CDH18: variants seen among roughly 807,000 people sequenced by gnomAD.
CDH18 encodes cadherin-18.
In CDH18, 31 loss-of-function variants were observed where a neutral mutation model predicts 67.9. The ratio of observed to expected loss-of-function variants is 0.46; its 90% CI spans 0.34 to 0.62. CDH18 has a LOEUF of 0.62. Among genes scored for constraint, CDH18 ranks in the 20% least tolerant of loss-of-function variants. The pLI, the probability that CDH18 is intolerant of heterozygous loss-of-function variation, is 0.01. For synonymous variants in CDH18, 362 were observed against 347.2 expected (o/e 1.04, Z -0.48); for missense variants, 890 against 975.5 (o/e 0.91, Z 1.17).
At chr5:20,029,677 A>G (rs1739217130) in intron 2 of CDH18, among the ~76,000 whole-genome samples, 1 of 152,208 alleles carries the variant, frequency 6.6e-6, no homozygotes, top group Admixed American at 6.5e-5. Context: ...GTGAATTTTA[A>G]AGTCTTATTA....
chr5:19,684,585 T>A (rs1025360897), intron 5 of CDH18, among the ~76,000 whole-genome samples: 5 of 151,694 alleles, frequency 3.3e-5, no homozygotes, highest in Admixed American at 6.6e-5. Flanking sequence ...AGAGATTTTT[T>A]AATTTAATTT....
intron 8 of CDH18, 103 bp from the exon 9 acceptor site, chr5:19,544,108 C>T (rs1017429550): frequency 2.4e-5 from 11 of 449,420 alleles, no homozygotes; most frequent in Middle Eastern, 6.1e-4. Flanking sequence ...TTCAAATATA[C>T]TTTTAAATTC....
intron 1 of CDH18, among the ~76,000 whole-genome samples, chr5:20,338,396 TG>T (rs1023194149): frequency 2.0e-5 from 3 of 152,218 alleles, no homozygotes; most frequent in Non-Finnish European, 4.4e-5. Flanking sequence ...CGTGATGGGA[TG>T]GGATTTCTTT....
At chr5:19,957,045 A>T (rs954849152) in intron 2 of CDH18, among the ~76,000 whole-genome samples, 37 of 151,932 alleles carry the variant, frequency 2.4e-4, no homozygotes, top group African/African-American at 7.0e-4. Flanking sequence ...GGTGTTTGGA[A>T]TATTCTGGGA....
intron 10 of CDH18, among the ~76,000 whole-genome samples, chr5:19,506,649 T>A (rs1188323510): frequency 6.6e-6 from 1 of 152,220 alleles, no homozygotes; most frequent in East Asian, 1.9e-4. Context: ...AAACAAGAAA[T>A]GGGGAAAGGA....
chr5:20,004,019 T>A (rs1427161602), intron 2 of CDH18, among the ~76,000 whole-genome samples: 4 of 152,248 alleles, frequency 2.6e-5, no homozygotes, highest in Non-Finnish European at 5.9e-5. Context: ...GTTTTTTGTA[T>A]CATACTTTAG....
chr5:20,305,577 G>A (rs1561956240), intron 1 of CDH18: 1 of 607,444 alleles, frequency 1.6e-6, no homozygotes, highest in Non-Finnish European at 2.9e-6. Context: ...GGCCGCTTCC[G>A]GTCCTGCGCT....
At position 19,969,171 on chromosome 5, in the gene CDH18, G is replaced by A. The variant is rs1002167780; in HGVS notation, c.-257+11889C>T. Among the ~76,000 whole-genome samples the A allele has an allele frequency of 6.0e-3, 887 of 148,560 alleles. 26 individuals carry two copies. Among genetic ancestry groups the A allele is most frequent in the African/African-American group, 0.022 (836 of 38,146 alleles). Reference sequence around the variant, plus strand: ...ACCATCTCACACCAGTTAGAATGGCGATCATTAAAAAATCAGGAAAGAACA... The same window carrying A: ...ACCATCTCACACCAGTTAGAATGGCAATCATTAAAAAATCAGGAAAGAACA... On this transcript the variant is annotated intron_variant, in intron 2 of 12. Coordinates refer to ENST00000382275, the MANE Select transcript of CDH18 (RefSeq NM_004934.5).
At chr5:20,215,064 G>A (rs1740654178) in intron 2 of CDH18, among the ~76,000 whole-genome samples, 1 of 151,984 alleles carries the variant, frequency 6.6e-6, no homozygotes, top group South Asian at 2.1e-4. Context: ...AGACATGCAT[G>A]TGGCCAACAA....
At chr5:20,453,707 T>C (rs1750641097) in intron 1 of CDH18, among the ~76,000 whole-genome samples, 1 of 152,002 alleles carries the variant, frequency 6.6e-6, no homozygotes, top group South Asian at 2.1e-4. Flanking sequence ...GGTTAGCAGC[T>C]CTGATCCTGA....
At chr5:20,518,129 G>A (rs991325785) in intron 1 of CDH18, among the ~76,000 whole-genome samples, 1 of 151,978 alleles carries the variant, frequency 6.6e-6, no homozygotes, top group Non-Finnish European at 1.5e-5. Flanking sequence ...ATATCCATCA[G>A]ATATTTTTCT....
chr5:19,892,160 T>C (rs974565894), intron 2 of CDH18, among the ~76,000 whole-genome samples: 2 of 152,176 alleles, frequency 1.3e-5, no homozygotes, highest in African/African-American at 4.8e-5. Context: ...TTTAACTCTA[T>C]TGCAAATAAA....
At chr5:20,213,038 CTTTCAACATGTGTG>C (rs1182086429) in intron 2 of CDH18, among the ~76,000 whole-genome samples, 1 of 152,116 alleles carries the variant, frequency 6.6e-6, no homozygotes, top group Non-Finnish European at 1.5e-5. Flanking sequence ...CCTATCCCAG[CTTTCAACATGTGTG>C]TTTCAACATG....
intron 2 of CDH18, among the ~76,000 whole-genome samples, chr5:20,132,367 A>G (rs1458732844): frequency 6.6e-6 from 1 of 152,076 alleles, no homozygotes; most frequent in African/African-American, 2.4e-5. Context: ...TACAGTTCCT[A>G]TATTTATCAG....
chr5:19,586,453 G>T (rs1238707741), intron 7 of CDH18, among the ~76,000 whole-genome samples: 2 of 152,062 alleles, frequency 1.3e-5, no homozygotes, highest in Non-Finnish European at 2.9e-5. Context: ...GTCAGAGCAC[G>T]TCGTATTTGG....
chr5:20,227,418 C>T (rs577951788), intron 2 of CDH18, among the ~76,000 whole-genome samples: 1 of 152,170 alleles, frequency 6.6e-6, no homozygotes, highest in Admixed American at 6.6e-5. Context: ...CACGACTGTG[C>T]TTCTGTTTCA....
chr5:19,997,372 T>C (rs1298485958), intron 2 of CDH18, among the ~76,000 whole-genome samples: 1 of 151,992 alleles, frequency 6.6e-6, no homozygotes, highest in Non-Finnish European at 1.5e-5. Flanking sequence ...TTTTATACTC[T>C]CTCTTAAGAT....
At chr5:20,340,102 A>C (rs190957357) in intron 1 of CDH18, among the ~76,000 whole-genome samples, 118 of 152,272 alleles carry the variant, frequency 7.7e-4, no homozygotes, top group Admixed American at 1.8e-3. Flanking sequence ...CATTACTCCA[A>C]ACTATCTATG....
chr5:19,611,707 G>A (rs1221365966), intron 6 of CDH18, among the ~76,000 whole-genome samples: 1 of 152,078 alleles, frequency 6.6e-6, no homozygotes, highest in African/African-American at 2.4e-5. Flanking sequence ...GTGATTATTA[G>A]TGACTGTCGT....
Sources: gnomAD v4.1 joint callset for allele counts (sites outside exome capture counted in the v4.1 genomes callset) on GRCh38, gnomAD v4.1.1 for gene constraint, MANE v1.5 for transcripts, NCBI Gene and HGNC (gene_info 2026-07-23, HGNC 2026-07-21) for gene names.